ANKFN1: variants seen among roughly 807,000 people sequenced by gnomAD.
ANKFN1 encodes the protein ankyrin repeat and fibronectin type III domain containing 1.
In ANKFN1, 74 loss-of-function variants were observed where a neutral mutation model predicts 108.7. That is an observed-to-expected ratio of 0.68 (90% confidence interval 0.56 to 0.83). ANKFN1 has a LOEUF of 0.83. Ranked by LOEUF, ANKFN1 falls within the 40% of genes least tolerant of loss-of-function variation. The pLI is 0.00. For missense variants in ANKFN1, 1,505 were observed against 1,382.3 expected, an observed-to-expected ratio of 1.09 and a Z score of -1.41; for synonymous variants, 547 against 516.2, an observed-to-expected ratio of 1.06 and a Z score of -0.81.
intron 2 of ANKFN1, among the ~76,000 whole-genome samples, chr17:56,216,467 A>T (rs1225646085): frequency 6.6e-6 from 1 of 152,222 alleles, no homozygotes; most frequent in African/African-American, 2.4e-5. Flanking sequence ...TGTAGAAAAG[A>T]TTTGAATATA....
chr17:56,304,367 T>C (rs915529964), intron 3 of ANKFN1, among the ~76,000 whole-genome samples: 3 of 152,244 alleles, frequency 2.0e-5, no homozygotes, highest in African/African-American at 7.2e-5. Context: ...GGAATTGATG[T>C]AAATAACAGT....
intron 4 of ANKFN1, among the ~76,000 whole-genome samples, chr17:56,137,357 G>C (rs1907658340): frequency 1.3e-5 from 2 of 152,142 alleles, no homozygotes; most frequent in Admixed American, 1.3e-4. Flanking sequence ...CTTGAGCAGG[G>C]TCAATCTCAG....
In ANKFN1 at chr17:56,456,781, G is replaced by C. The variant is rs928837273; in HGVS notation, c.1208-80G>C. 12 of 1,138,258 alleles carry C rather than the reference G, an allele frequency of 1.1e-5. No individual in the cohort carries two copies. In the African/African-American group the frequency reaches 1.2e-4, roughly 12 times the overall value. The allele number at this position is 1,138,258 out of a possible 1,614,324, so 70.5% of individuals were successfully genotyped here. A position where few individuals can be genotyped will look rare whatever the true frequency, so the allele number is the denominator to read the frequency against. On this transcript the variant is annotated intron_variant, in intron 11 of 20. Coordinates refer to ENST00000682825, the MANE Select transcript of ANKFN1 (RefSeq NM_001370326.1). ...CACTAAAGGGATGGGGGAGGGGAAGGCAGGAAGGTAGGAAAATGGAATTGG... is the reference window on the plus strand; with the variant it reads ...CACTAAAGGGATGGGGGAGGGGAAGCCAGGAAGGTAGGAAAATGGAATTGG...
intron 3 of ANKFN1, among the ~76,000 whole-genome samples, chr17:56,293,722 T>C (rs1013792721): frequency 6.6e-6 from 1 of 152,214 alleles, no homozygotes; most frequent in Non-Finnish European, 1.5e-5. Flanking sequence ...ACTCTGAGAT[T>C]TGATTGCCAA....
chr17:56,470,226 G>A (rs2050270139), intron 15 of ANKFN1, among the ~76,000 whole-genome samples: 1 of 152,048 alleles, frequency 6.6e-6, no homozygotes, highest in Non-Finnish European at 1.5e-5. Context: ...CTTTGCTATG[G>A]GAAATAATGC....
chr17:56,294,092 G>T (rs904926370), intron 3 of ANKFN1, among the ~76,000 whole-genome samples: 1 of 152,156 alleles, frequency 6.6e-6, no homozygotes, highest in African/African-American at 2.4e-5. Context: ...CTCCATCACC[G>T]TGAGACCTTG....
chr17:56,244,900 A>G (rs1917847870), intron 3 of ANKFN1, among the ~76,000 whole-genome samples: 1 of 152,082 alleles, frequency 6.6e-6, no homozygotes, highest in East Asian at 1.9e-4. Flanking sequence ...TGTTCCATTC[A>G]AATTTCAACA....
chr17:56,493,476 T>A lies in ANKFN1; in HGVS notation c.2427+1123T>A, dbSNP rs79966557. Among the ~76,000 whole-genome samples, 669 of 152,150 alleles carry A rather than the reference T, an allele frequency of 4.4e-3. 5 individuals carry two copies. Among genetic ancestry groups the A allele is most frequent in the African/African-American group, 0.015 (629 of 41,520 alleles). ...GAGCAGAAAAATAGTATTTGGGGAA[T>A]GATAAATAGTCAAGATTGGTTGGGG... is the stretch of plus-strand genomic sequence containing the variant. On this transcript the variant is annotated intron_variant, in intron 19 of 20. Transcript: ENST00000682825.
chr17:56,163,765 C>T (rs1353852828), intron 1 of ANKFN1, among the ~76,000 whole-genome samples: 2 of 152,194 alleles, frequency 1.3e-5, no homozygotes, highest in Non-Finnish European at 2.9e-5. Context: ...CTTTTTCCTT[C>T]CCTTCCAATG....
rs540796228 is a variant in ANKFN1, at chr17:56,428,620, G to A, written c.911-11707G>A. Reference sequence around the variant, plus strand: ...TGAGACTACAGGTGCCTGCCACCACGCTTGGCTAATTTTTGTATTTTTAGT... The same window carrying A: ...TGAGACTACAGGTGCCTGCCACCACACTTGGCTAATTTTTGTATTTTTAGT... On this transcript the variant is annotated intron_variant, in intron 8 of 20. Transcript: ENST00000682825. Among the ~76,000 whole-genome samples, 279 of 151,988 alleles carry A rather than the reference G, an allele frequency of 1.8e-3. 1 individual carries two copies. Among genetic ancestry groups the A allele is most frequent in the Non-Finnish European group, 2.4e-3 (163 of 67,992 alleles).
intron 3 of ANKFN1, among the ~76,000 whole-genome samples, chr17:56,247,057 C>G (rs979061605): frequency 7.2e-5 from 11 of 152,176 alleles, no homozygotes; most frequent in Non-Finnish European, 4.4e-5. Context: ...CTTCTTAAAT[C>G]TGTGCTTATT....
chr17:56,119,378 C>T (rs1163457981), intron 4 of ANKFN1, among the ~76,000 whole-genome samples: 2 of 152,064 alleles, frequency 1.3e-5, no homozygotes, highest in African/African-American at 4.8e-5. Flanking sequence ...CTCAGAGGCC[C>T]AGAAGGGTGA....
At chr17:56,300,646 T>C (rs1215399143) in intron 3 of ANKFN1, among the ~76,000 whole-genome samples, 1 of 151,618 alleles carries the variant, frequency 6.6e-6, no homozygotes, top group Non-Finnish European at 1.5e-5. Context: ...AAGTCAGTAG[T>C]GATGGGTCAG....
At chr17:56,126,081 T>C (rs944459810) in intron 4 of ANKFN1, among the ~76,000 whole-genome samples, 1 of 152,202 alleles carries the variant, frequency 6.6e-6, no homozygotes, top group Non-Finnish European at 1.5e-5. Context: ...CCAGTGCCCC[T>C]GGACTGTTCT....
chr17:56,266,466 A>G (rs1324054786), intron 3 of ANKFN1, among the ~76,000 whole-genome samples: 3 of 152,192 alleles, frequency 2.0e-5, no homozygotes, highest in Admixed American at 2.0e-4. Flanking sequence ...AACTAAGGTG[A>G]TAACCTACTC....
At chr17:56,304,221 A>C (rs1470344674) in intron 3 of ANKFN1, among the ~76,000 whole-genome samples, 2 of 152,098 alleles carry the variant, frequency 1.3e-5, no homozygotes, top group Non-Finnish European at 2.9e-5. Context: ...ATAATTTTAC[A>C]TTTCAAAAAT....
chr17:56,062,885 A>C (rs763234438), intron 4 of ANKFN1, among the ~76,000 whole-genome samples: 1 of 152,124 alleles, frequency 6.6e-6, no homozygotes, highest in East Asian at 1.9e-4. Flanking sequence ...TTCTATATTT[A>C]GTGCTTCTTT....
At chr17:56,340,755 CT>C (rs1397977375) in intron 4 of ANKFN1, among the ~76,000 whole-genome samples, 4 of 152,034 alleles carry the variant, frequency 2.6e-5, no homozygotes, top group Non-Finnish European at 4.4e-5. Context: ...CAGCTTTGTT[CT>C]TTTTGCTTAG....
chr17:56,330,588 G>A (rs1171926502), intron 4 of ANKFN1, among the ~76,000 whole-genome samples: 1 of 152,094 alleles, frequency 6.6e-6, no homozygotes, highest in Non-Finnish European at 1.5e-5. Flanking sequence ...AGCTCCTTGG[G>A]AACAGGTAGG....
Sources: gnomAD v4.1 joint callset for allele counts (sites outside exome capture counted in the v4.1 genomes callset) on GRCh38, gnomAD v4.1.1 for gene constraint, MANE v1.5 for transcripts, NCBI Gene and HGNC (gene_info 2026-07-23, HGNC 2026-07-21) for gene names.